RABGAP1L: variants seen among roughly 807,000 people sequenced by gnomAD.
RABGAP1L encodes rab GTPase-activating protein 1-like.
Under a neutral mutation model 137.7 loss-of-function variants are expected in RABGAP1L, and 63 were observed. That is an observed-to-expected ratio of 0.46 (90% CI 0.37 to 0.56). The LOEUF is 0.56. Among genes scored for constraint, RABGAP1L ranks in the 20% least tolerant of loss-of-function variants. The probability of loss-of-function intolerance (pLI) is 0.00; values close to 1 mark genes in which losing one functional copy is unlikely to be tolerated. For synonymous variants in RABGAP1L, 431 were observed against 433.7 expected, an observed-to-expected ratio of 0.99 and a Z score of 0.08; for missense variants, 1,095 against 1,244.0, an observed-to-expected ratio of 0.88 and a Z score of 1.80.
At chr1:174,623,315 C>G (rs1003409144) in intron 13 of RABGAP1L, among the ~76,000 whole-genome samples, 1 of 152,116 alleles carries the variant, frequency 6.6e-6, no homozygotes, top group African/African-American at 2.4e-5. Context: ...TGGAGTCTAA[C>G]CAACAGCAAG....
At chr1:174,969,433 C>G in intron 21 of RABGAP1L, 46 bp downstream of exon 21, 1 of 1,403,222 alleles carries the variant, frequency 7.1e-7, no homozygotes, top group Non-Finnish European at 9.9e-7. Flanking sequence ...AGGGCAAAGA[C>G]CGATTTGCCC....
intron 20 of RABGAP1L, among the ~76,000 whole-genome samples, chr1:174,959,353 A>G (rs1668884880): frequency 6.6e-6 from 1 of 152,230 alleles, no homozygotes; most frequent in South Asian, 2.1e-4. Context: ...TATTATGAAT[A>G]AATTCTGTGA....
chr1:174,900,973 C>T (rs372945504), intron 19 of RABGAP1L, among the ~76,000 whole-genome samples: 22 of 152,042 alleles, frequency 1.4e-4, no homozygotes, highest in African/African-American at 3.9e-4. Context: ...CCATATTTCT[C>T]GGAGGTTTTG....
intron 15 of RABGAP1L, among the ~76,000 whole-genome samples, chr1:174,697,538 C>T (rs531652406): frequency 6.6e-6 from 1 of 152,266 alleles, no homozygotes; most frequent in South Asian, 2.1e-4. Context: ...AGGCTAGTCT[C>T]GAACTCCTGA....
chr1:174,919,383 T>G lies in RABGAP1L; in HGVS notation c.2341-38074T>G, dbSNP rs535288701. Among the ~76,000 whole-genome samples the G allele has an allele frequency of 5.9e-5, 9 of 152,334 alleles. No homozygotes were observed. In the East Asian group the frequency reaches 1.5e-3, roughly 26 times the overall value. On this transcript the variant is annotated intron_variant, in intron 19 of 25. Coordinates refer to ENST00000681986, the MANE Select transcript of RABGAP1L (RefSeq NM_001366446.1). ...GGATGTTTCAAAGACAGGGCTCAGC[T>G]GGGACCATTAACTGAAACACCTACT...
chr1:174,319,896 C>T (rs940166260), intron 11 of RABGAP1L, among the ~76,000 whole-genome samples: 3 of 149,764 alleles, frequency 2.0e-5, no homozygotes, highest in Non-Finnish European at 4.4e-5. Context: ...CTTTCTCGTG[C>T]CTTGCCATTT....
At chr1:174,290,279 C>T (rs1205209219) in intron 10 of RABGAP1L, among the ~76,000 whole-genome samples, 2 of 152,204 alleles carry the variant, frequency 1.3e-5, no homozygotes, top group Non-Finnish European at 2.9e-5. Flanking sequence ...CTAGTCCTGA[C>T]AATTCTCAAT....
intron 13 of RABGAP1L, among the ~76,000 whole-genome samples, chr1:174,604,726 C>CT (rs1670652323): frequency 6.6e-6 from 1 of 152,156 alleles, no homozygotes; most frequent in Non-Finnish European, 1.5e-5. Context: ...TCAATGCCAT[C>CT]TTTGTAAGAT....
At chr1:174,854,482 G>T (rs1351150313) in intron 19 of RABGAP1L, among the ~76,000 whole-genome samples, 3 of 151,906 alleles carry the variant, frequency 2.0e-5, no homozygotes, top group Admixed American at 2.0e-4. Context: ...AATTACTGAA[G>T]GGAATTATGA....
At chr1:174,257,838 T>A (rs1206826344) in intron 7 of RABGAP1L, among the ~76,000 whole-genome samples, 1 of 152,232 alleles carries the variant, frequency 6.6e-6, no homozygotes, top group African/African-American at 2.4e-5. Flanking sequence ...AGTTGTATTA[T>A]TGTGTACATG....
chr1:174,206,140 C>A (rs879628153), intron 1 of RABGAP1L, among the ~76,000 whole-genome samples: 4 of 152,120 alleles, frequency 2.6e-5, no homozygotes, highest in Non-Finnish European at 5.9e-5. Context: ...ATCTATTTGG[C>A]TGTGGGGTTG....
intron 13 of RABGAP1L, among the ~76,000 whole-genome samples, chr1:174,623,719 C>T (rs954050432): frequency 7.2e-5 from 11 of 152,108 alleles, no homozygotes; most frequent in Admixed American, 2.0e-4. Flanking sequence ...CTTTATTCTC[C>T]GGCCTCTCTG....
At chr1:174,829,907 T>G (rs1455018845) in intron 19 of RABGAP1L, among the ~76,000 whole-genome samples, 2 of 148,524 alleles carry the variant, frequency 1.3e-5, no homozygotes, top group African/African-American at 4.9e-5. Context: ...TGGTTGCCCA[T>G]TGTATCAATT....
chr1:174,182,753 C>CG (rs145489320), intron 1 of RABGAP1L, among the ~76,000 whole-genome samples: 1 of 152,110 alleles, frequency 6.6e-6, no homozygotes, highest in African/African-American at 2.4e-5. Flanking sequence ...TACTTCCCCC[C>CG]GTAAACAGCT....
chr1:174,618,002 G>T (rs763905506), intron 13 of RABGAP1L, among the ~76,000 whole-genome samples: 1 of 152,160 alleles, frequency 6.6e-6, no homozygotes, highest in African/African-American at 2.4e-5. Context: ...TATAGCCCGC[G>T]CCTGGCTTGG....
chr1:174,979,705 T>C (rs1435537639), intron 23 of RABGAP1L, among the ~76,000 whole-genome samples: 1 of 152,212 alleles, frequency 6.6e-6, no homozygotes, highest in Admixed American at 6.5e-5. Flanking sequence ...TAAAATGCTT[T>C]TAACAAAGGG....
chr1:174,859,277 C>T (rs1046597984), intron 19 of RABGAP1L, among the ~76,000 whole-genome samples: 14 of 151,900 alleles, frequency 9.2e-5, no homozygotes, highest in African/African-American at 3.1e-4. Flanking sequence ...GTCAGGAGAT[C>T]GAGACCATCT....
chr1:174,249,175 G>C (rs1374472590), intron 5 of RABGAP1L, among the ~76,000 whole-genome samples: 1 of 152,102 alleles, frequency 6.6e-6, no homozygotes, highest in Non-Finnish European at 1.5e-5. Context: ...GTAGTCACTA[G>C]AGTGGCCTAA....
chr1:174,614,072 T>C (rs1295239465), intron 13 of RABGAP1L, among the ~76,000 whole-genome samples: 1 of 152,188 alleles, frequency 6.6e-6, no homozygotes, highest in African/African-American at 2.4e-5. Flanking sequence ...AAGTTAATAT[T>C]GTTATGTGTG....
Sources: allele counts gnomAD v4.1 joint callset (sites outside exome capture counted in the v4.1 genomes callset), GRCh38; gene constraint gnomAD v4.1.1; transcripts MANE v1.5; gene names NCBI Gene and HGNC (gene_info 2026-07-23, HGNC 2026-07-21).